Variants in PTPN20 observed in about 807,000 individuals in gnomAD.
PTPN20 encodes tyrosine-protein phosphatase non-receptor type 20.
A neutral mutation model predicts 35.0 loss-of-function variants in PTPN20; 9 were observed. The observed-to-expected ratio is 0.26, with a 90% confidence interval of 0.15 to 0.45. The LOEUF is 0.45. Among genes scored for constraint, PTPN20 ranks in the 20% least tolerant of loss-of-function variants. PTPN20 has a pLI of 1.00. For synonymous variants in PTPN20, 32 were observed against 100.2 expected (o/e 0.32, Z 4.06); for missense variants, 111 against 312.5 (o/e 0.36, Z 4.86).
rs2060032830 is a variant in PTPN20, at chr10:47,001,527, C to G, written c.*786C>G. On this transcript the variant is annotated 3_prime_UTR_variant, in exon 11 of 11. Transcript: ENST00000374339. ...TCTGCTTTGTTAAAAGCAAGTATTACCTTTAACTTGCCTCTTACTCTTTGC... is the reference window on the plus strand; with the variant it reads ...TCTGCTTTGTTAAAAGCAAGTATTAGCTTTAACTTGCCTCTTACTCTTTGC... 6.6e-6 allele frequency: 1 copy of G among 152,072 alleles called. No homozygotes were observed. The highest frequency in any genetic ancestry group is 2.4e-5 in the African/African-American group (1 of 41,420). The allele number at this position is 152,072 out of a possible 1,614,324, so 9.4% of individuals were successfully genotyped here. A position where few individuals can be genotyped will look rare whatever the true frequency, so the allele number is the denominator to read the frequency against.
chr10:46,991,844 C>G (rs1280188446), intron 9 of PTPN20, among the ~76,000 whole-genome samples: 4 of 152,130 alleles, frequency 2.6e-5, no homozygotes, highest in Non-Finnish European at 5.9e-5. Flanking sequence ...TTCTCTCTAG[C>G]TGCCTTTAAG....
At chr10:46,994,585 C>T (rs976139038) in intron 9 of PTPN20, among the ~76,000 whole-genome samples, 1 of 152,042 alleles carries the variant, frequency 6.6e-6, no homozygotes, top group Non-Finnish European at 1.5e-5. Context: ...CCGCCCGCCT[C>T]GGCCTCCCAA....
At chr10:46,944,796 G>T (rs1346499201) in intron 4 of PTPN20, among the ~76,000 whole-genome samples, 2 of 147,768 alleles carry the variant, frequency 1.4e-5, no homozygotes, top group Non-Finnish European at 2.9e-5. Flanking sequence ...TATATTTTTT[G>T]CTCTTTAGTT....
At chr10:46,993,670 C>G (rs1019921310) in intron 9 of PTPN20, among the ~76,000 whole-genome samples, 1 of 152,194 alleles carries the variant, frequency 6.6e-6, no homozygotes, top group African/African-American at 2.4e-5. Flanking sequence ...AAAAAATTCT[C>G]TATGCTTTAA....
intron 7 of PTPN20, among the ~76,000 whole-genome samples, chr10:46,976,337 C>T (rs1263062487): frequency 3.0e-4 from 31 of 103,804 alleles, no homozygotes; most frequent in African/African-American, 1.1e-3. Context: ...AATCACTGTT[C>T]TGATGAATTA....
chr10:47,003,445 C>A (rs1319371813), downstream of PTPN20, among the ~76,000 whole-genome samples: 1 of 151,972 alleles, frequency 6.6e-6, no homozygotes, highest in Non-Finnish European at 1.5e-5. Flanking sequence ...TTTGTTCATA[C>A]GTTGTTCACA....
intron 7 of PTPN20, among the ~76,000 whole-genome samples, chr10:46,977,539 A>G (rs2054140998): frequency 1.3e-5 from 2 of 150,658 alleles, no homozygotes; most frequent in African/African-American, 4.9e-5. Context: ...AGAGATATGC[A>G]AAGTATTGCC....
chr10:46,955,027 T>C lies in PTPN20; in HGVS notation c.340+8352T>C, dbSNP rs1422862626. ...TTAGGTATTATAAGTAATCTAGATA[T>C]GATTTAAAGTATTTGAGAGAGAGGG... On this transcript the variant is annotated intron_variant, in intron 5 of 10. Coordinates refer to ENST00000374339, the MANE Select transcript of PTPN20 (RefSeq NM_001042357.5). 6 of 151,472 alleles carry C rather than the reference T, an allele frequency of 4.0e-5. 1 individual carries two copies. The highest frequency in any genetic ancestry group is 1.5e-4 in the African/African-American group (6 of 40,768). The allele number at this position is 151,472 out of a possible 1,614,324, so 9.4% of individuals were successfully genotyped here.
chr10:46,928,235 TA>T (rs2038304367), intron 1 of PTPN20, among the ~76,000 whole-genome samples: 1 of 152,116 alleles, frequency 6.6e-6, no homozygotes, highest in South Asian at 2.1e-4. Context: ...ATGCTCACAG[TA>T]ATCTTTAATG....
rs1442683039 is a variant in PTPN20 at position 47,001,939 on chromosome 10, G to T, written c.*1198G>T. On this transcript the variant is annotated 3_prime_UTR_variant, in exon 11 of 11. Coordinates refer to ENST00000374339, the MANE Select transcript of PTPN20 (RefSeq NM_001042357.5). ...TATAAAACAATAGATATGAGTGTTTGTACAGTTTAACTCAATGGAGATCAG... is the reference window on the plus strand; with the variant it reads ...TATAAAACAATAGATATGAGTGTTTTTACAGTTTAACTCAATGGAGATCAG... 6.6e-6 allele frequency: 1 copy of T among 152,072 alleles called. No individual in the cohort carries two copies. 9.4% of individuals were successfully genotyped at this position (152,072 alleles called of 1,614,324 possible). A position where few individuals can be genotyped will look rare whatever the true frequency, so the allele number is the denominator to read the frequency against.
At chr10:46,997,543 G>T (rs1455732045) in intron 9 of PTPN20, among the ~76,000 whole-genome samples, 2 of 150,882 alleles carry the variant, frequency 1.3e-5, no homozygotes, top group Non-Finnish European at 3.0e-5. Flanking sequence ...GAGAGCAGGC[G>T]TTGTTGCCAT....
chr10:47,002,942 C>A (rs1044167910), downstream of PTPN20, among the ~76,000 whole-genome samples: 1 of 151,954 alleles, frequency 6.6e-6, no homozygotes, highest in South Asian at 2.1e-4. Flanking sequence ...AAGGAAAACA[C>A]CTTTAAAAAG....
chr10:46,929,318 A>G (rs2038780775), intron 1 of PTPN20, among the ~76,000 whole-genome samples: 2 of 138,222 alleles, frequency 1.4e-5, no homozygotes, highest in South Asian at 5.0e-4. Flanking sequence ...AGAATAAGTA[A>G]TACTTTTTTA....
chr10:47,000,047 T>A, intron 10 of PTPN20, 73 bp downstream of exon 10: 2 of 1,586,606 alleles, frequency 1.3e-6, no homozygotes, highest in Non-Finnish European at 1.7e-6. Flanking sequence ...ACTTTACCAC[T>A]TAAAAGCTCT....
chr10:46,911,428 A>G lies in PTPN20; in HGVS notation c.-197A>G. The G allele has an allele frequency of 6.1e-6, 2 of 326,630 alleles. No individual in the cohort carries two copies. Among genetic ancestry groups the G allele is most frequent in the Non-Finnish European group, 1.2e-5 (2 of 167,554 alleles). 20.2% of individuals were successfully genotyped at this position (326,630 alleles called of 1,614,324 possible). A position where few individuals can be genotyped will look rare whatever the true frequency, so the allele number is the denominator to read the frequency against. On this transcript the variant is annotated 5_prime_UTR_variant, in exon 1 of 11. Transcript: ENST00000374339. ...GGATTGGATAGCGACGAAGGCCGGCAGGCTAGGCGTGGACCCAACTGGCGA... is the reference window on the plus strand; with the variant it reads ...GGATTGGATAGCGACGAAGGCCGGCGGGCTAGGCGTGGACCCAACTGGCGA...
chr10:46,976,896 T>TA (rs2053845037), intron 7 of PTPN20, among the ~76,000 whole-genome samples: 1 of 149,970 alleles, frequency 6.7e-6, no homozygotes, highest in African/African-American at 2.4e-5. Flanking sequence ...CACTTGGTTT[T>TA]ATAGGAAACT....
chr10:46,994,476 C>T (rs1339030658), intron 9 of PTPN20, among the ~76,000 whole-genome samples: 22 of 151,786 alleles, frequency 1.4e-4, no homozygotes, highest in Non-Finnish European at 3.1e-4. Context: ...GGACTACAGG[C>T]GCCCGCCATC....
At chr10:46,959,914 CA>C (rs1458179679) in intron 5 of PTPN20, among the ~76,000 whole-genome samples, 1 of 66,904 alleles carries the variant, frequency 1.5e-5, no homozygotes, top group Non-Finnish European at 2.6e-5. Flanking sequence ...TGTTGATTTA[CA>C]ATCTAAAGTT....
At chr10:46,954,328 C>G (rs1555150302) in intron 5 of PTPN20, among the ~76,000 whole-genome samples, 2 of 148,438 alleles carry the variant, frequency 1.3e-5, no homozygotes, top group Non-Finnish European at 3.0e-5. Context: ...AAGGGCTATT[C>G]TAATGACTTC....
Sources: allele counts gnomAD v4.1 joint callset (sites outside exome capture counted in the v4.1 genomes callset), GRCh38; gene constraint gnomAD v4.1.1; transcripts MANE v1.5; gene names NCBI Gene and HGNC (gene_info 2026-07-23, HGNC 2026-07-21).